Variants in BOP1 observed in about 807,000 individuals in gnomAD.
BOP1 encodes BOP1 ribosomal biogenesis factor.
A neutral mutation model predicts 82.9 loss-of-function variants in BOP1; 54 were observed. That is an observed-to-expected ratio of 0.65 (90% CI 0.52 to 0.82). BOP1 has a LOEUF of 0.82. BOP1 is among the 40% of genes least tolerant of loss of function. The pLI is 0.00. For synonymous variants in BOP1, 566 were observed against 451.1 expected (o/e 1.25, Z -3.23); for missense variants, 1,170 against 1,072.0 (o/e 1.09, Z -1.28).
chr8:144,270,494 T>TGGCCAGCCTCAGGCCTGGGC (rs1554837659), intron 3 of BOP1, among the ~76,000 whole-genome samples: 1 of 152,064 alleles, frequency 6.6e-6, no homozygotes, highest in African/African-American at 2.4e-5. Context: ...GGCTGCAGCT[T>TGGCCAGCCTCAGGCCTGGGC]GGCCAGCCTC....
intron 3 of BOP1, among the ~76,000 whole-genome samples, chr8:144,270,764 C>T (rs889608095): frequency 3.3e-4 from 50 of 152,284 alleles, no homozygotes; most frequent in African/African-American, 1.2e-3. Flanking sequence ...CCCTGGCTCC[C>T]TTCCCAGAGT....
At chr8:144,266,547 C>T (rs1845370477) in intron 3 of BOP1, 3 of 997,322 alleles carry the variant, frequency 3.0e-6, no homozygotes, top group East Asian at 1.1e-4. Context: ...CCGCGAGGCC[C>T]GCGGCGGCCG....
intron 1 of BOP1, among the ~76,000 whole-genome samples, chr8:144,290,119 G>A (rs1424438953): frequency 2.6e-5 from 4 of 152,154 alleles, no homozygotes; most frequent in African/African-American, 9.7e-5. Flanking sequence ...AACACTTTGG[G>A]AGGCTGAGGC....
chr8:144,263,719 A>T lies in BOP1; in HGVS notation c.1264T>A (p.Ser422Thr). ...HSDLVRCLSV[S>T]PGGQWLVSGS... Reference sequence around the variant, plus strand: ...GAAACCAGCCACTGGCCCCCAGGAGAGACACTGAGGCACCGGACAAGGTCA... The same window carrying T: ...GAAACCAGCCACTGGCCCCCAGGAGTGACACTGAGGCACCGGACAAGGTCA... The change falls in exon 10 of 16, where the codon TCT becomes ACT. Residue 422 changes from serine (S) to threonine (T), a missense_variant. By Grantham distance (58) the Ser-to-Thr change is moderately conservative. Coordinates refer to ENST00000569669, the MANE Select transcript of BOP1 (RefSeq NM_015201.5). 1 of 1,574,504 alleles carries T rather than the reference A, an allele frequency of 6.4e-7. No individual in the cohort carries two copies. The highest frequency in any genetic ancestry group is 8.6e-7 in the Non-Finnish European group (1 of 1,161,382).
intron 3 of BOP1, among the ~76,000 whole-genome samples, chr8:144,275,548 C>T (rs1179204983): frequency 2.0e-5 from 3 of 151,972 alleles, no homozygotes; most frequent in Non-Finnish European, 4.4e-5. Flanking sequence ...TGGTGGAGCC[C>T]AGCCCAGCAG....
intron 2 of BOP1, among the ~76,000 whole-genome samples, chr8:144,277,688 C>T (rs1331236283): frequency 2.0e-5 from 3 of 151,946 alleles, no homozygotes; most frequent in Non-Finnish European, 2.9e-5. Flanking sequence ...AGGTGGCCTT[C>T]GAAGGTGCTG....
chr8:144,289,990 T>G (rs1276668359), intron 1 of BOP1, among the ~76,000 whole-genome samples: 2 of 152,244 alleles, frequency 1.3e-5, no homozygotes, highest in East Asian at 3.8e-4. Flanking sequence ...CCCTGCTGGC[T>G]GCGTGACACC....
At position 144,262,243 on chromosome 8, in the gene BOP1, A is replaced by G; in HGVS notation, c.2162T>C (p.Val721Ala). The change falls in exon 16 of 16, where the codon GTG becomes GCG. Residue 721 changes from valine (V) to alanine (A), a missense_variant. Transcript: ENST00000569669. ...KGHVLTRDLG[V>A]LDVIFHPTQP... Reference sequence around the variant, plus strand: ...GGTGGGGTGGAAGATGACGTCCAGCACTCCCAGATCTCGGGTCAGCACGTG... The same window carrying G: ...GGTGGGGTGGAAGATGACGTCCAGCGCTCCCAGATCTCGGGTCAGCACGTG... 6.2e-7 allele frequency: 1 copy of G among 1,612,374 alleles called. No individual in the cohort carries two copies. The highest frequency in any genetic ancestry group is 8.5e-7 in the Non-Finnish European group (1 of 1,179,718).
At chr8:144,272,916 C>G (rs1242766738) in intron 3 of BOP1, among the ~76,000 whole-genome samples, 1 of 152,210 alleles carries the variant, frequency 6.6e-6, no homozygotes, top group Non-Finnish European at 1.5e-5. Flanking sequence ...TAGCAGGGCG[C>G]GCCCGTTTCC....
At chr8:144,287,181 T>C (rs1554839575) in intron 2 of BOP1, among the ~76,000 whole-genome samples, 2 of 152,166 alleles carry the variant, frequency 1.3e-5, no homozygotes, top group Non-Finnish European at 2.9e-5. Context: ...AGCTAATTTT[T>C]ATATTTTTAG....
At chr8:144,270,079 C>T (rs1392219053) in intron 3 of BOP1, among the ~76,000 whole-genome samples, 3 of 152,182 alleles carry the variant, frequency 2.0e-5, no homozygotes, top group South Asian at 2.1e-4. Context: ...CCTCAGTGGC[C>T]GGTCAACGTT....
chr8:144,265,670 G>T, intron 3 of BOP1: 1 of 159,268 alleles, frequency 6.3e-6, no homozygotes. Context: ...TGCAACAGTA[G>T]CCACGGGGAG....
chr8:144,270,491 GC>G (rs1334036313), intron 3 of BOP1, among the ~76,000 whole-genome samples: 1 of 152,202 alleles, frequency 6.6e-6, no homozygotes, highest in African/African-American at 2.4e-5. Context: ...CGCGGCTGCA[GC>G]TTGGCCAGCC....
At chr8:144,277,834 A>G (rs1845594426) in intron 2 of BOP1, among the ~76,000 whole-genome samples, 1 of 57,608 alleles carries the variant, frequency 1.7e-5, no homozygotes, top group Non-Finnish European at 5.7e-5. Context: ...AGGGGCGGCC[A>G]CTGCTGGGAA....
chr8:144,265,048 G>T lies in BOP1; in HGVS notation c.414C>A (p.Asn138Lys). ...AGTCATCGTACCACTCCAAGGGCAC[G>T]TTGCCCACCGTGTTCCGGATGTCCT... ...DEEDIRNTVG[N>K]VPLEWYDDFP... The change falls in exon 4 of 16, where the codon AAC (asparagine) becomes AAA (lysine). Residue 138 changes from asparagine to lysine, a missense_variant. Physicochemically the swap from Asn to Lys is moderately conservative, Grantham distance 94 (BLOSUM62 0). Coordinates refer to ENST00000569669, the MANE Select transcript of BOP1 (RefSeq NM_015201.5). The T allele has an allele frequency of 6.2e-7, 1 of 1,611,392 alleles. No homozygotes were observed. Among genetic ancestry groups the T allele is most frequent in the Non-Finnish European group, 8.5e-7 (1 of 1,179,258 alleles).
chr8:144,266,377 G>T (rs982087778), intron 3 of BOP1, among the ~76,000 whole-genome samples: 85 of 146,974 alleles, frequency 5.8e-4, no homozygotes, highest in African/African-American at 2.0e-3. Context: ...AGGAGCCTCC[G>T]GGCTGAGAGG....
At position 144,264,729 on chromosome 8, in the gene BOP1, G is replaced by C. The variant is rs886090704; in HGVS notation, c.648C>G (p.Gly216=). ...RLQSGQFGDV[G]FNPYEPAVDF... ...TGCCACCTACCTCATAGGGGTTGAA[G>C]CCCACATCCCCAAACTGGCCACTCT... Residue 216 remains glycine (G), a synonymous_variant, in exon 5 of 16, where the codon GGC becomes GGG. Coordinates refer to ENST00000569669, the MANE Select transcript of BOP1 (RefSeq NM_015201.5). The C allele has an allele frequency of 1.1e-5, 18 of 1,579,388 alleles. No individual in the cohort carries two copies. In the African/African-American group the frequency reaches 2.3e-4, roughly 20 times the overall value.
At chr8:144,282,052 C>A (rs1845693828) in intron 2 of BOP1, 1 of 152,274 alleles carries the variant, frequency 6.6e-6, no homozygotes, top group Admixed American at 6.5e-5. Context: ...AGCGCACGGA[C>A]CCCACAGATC....
intron 3 of BOP1, among the ~76,000 whole-genome samples, chr8:144,267,554 G>C (rs940999563): frequency 6.6e-6 from 1 of 152,274 alleles, no homozygotes; most frequent in African/African-American, 2.4e-5. Flanking sequence ...GTAAGAGGCT[G>C]CAAGGCAAGA....
Sources: allele counts gnomAD v4.1 joint callset (sites outside exome capture counted in the v4.1 genomes callset), GRCh38; gene constraint gnomAD v4.1.1; transcripts MANE v1.5; gene names NCBI Gene and HGNC (gene_info 2026-07-23, HGNC 2026-07-21).